KCNQ1OT1: variants seen among roughly 807,000 people sequenced by gnomAD.
The protein encoded by KCNQ1OT1 is KCNQ1 opposite strand/antisense transcript 1.
At chr11:2,631,395 A>G in exon 1 of KCNQ1OT1, 2 of 397,250 alleles carry the variant, frequency 5.0e-6, no homozygotes, top group Non-Finnish European at 8.9e-6. Context: ...TTTTCATTTC[A>G]TGCACTATAT....
exon 1 of KCNQ1OT1, chr11:2,680,677 C>A (rs1182819219): frequency 2.5e-6 from 1 of 398,450 alleles, no homozygotes; most frequent in Admixed American, 4.4e-5. Flanking sequence ...ATTTCTAACT[C>A]TTCAAGAATC....
exon 1 of KCNQ1OT1, chr11:2,643,911 C>T (rs917937974): frequency 2.3e-5 from 9 of 398,428 alleles, no homozygotes; most frequent in Non-Finnish European, 3.1e-5. Context: ...TTTCTTTCAG[C>T]ACTCTGCGTA....
chr11:2,662,454 G>A, exon 1 of KCNQ1OT1: 2 of 480,798 alleles, frequency 4.2e-6, no homozygotes, highest in Admixed American at 3.7e-5. Context: ...CCAAAGCCAT[G>A]GGGCAGATGC....
chr11:2,681,434 G>A (rs1850395230), exon 1 of KCNQ1OT1: 1 of 398,418 alleles, frequency 2.5e-6, no homozygotes, highest in African/African-American at 2.1e-5. Flanking sequence ...ACAGCTCTAG[G>A]GGATTTTGGG....
At position 2,642,634 on chromosome 11, in the gene KCNQ1OT1, CTTTATA is replaced by C. The variant is rs1331038573; in HGVS notation, n.57355_57360del. 1.8e-5 allele frequency: 7 copies of C among 397,410 alleles called. No homozygotes were observed. Among genetic ancestry groups the C allele is most frequent in the Admixed American group, 4.4e-5 (1 of 22,646 alleles). 24.6% of individuals were successfully genotyped at this position (397,410 alleles called of 1,614,324 possible). ...AAACCGATTTTGCATTTCATTGATCCTTTATATTTATTTAGTTTCTTGTTTAGTTCT... is the reference window on the plus strand; with the variant it reads ...AAACCGATTTTGCATTTCATTGATCCTTTATTTAGTTTCTTGTTTAGTTCT... On this transcript the variant is annotated non_coding_transcript_exon_variant, in exon 1 of 1. Coordinates refer to ENST00000597346, the Ensembl canonical transcript of KCNQ1OT1. The surrounding 1 kb of genome is among the most constrained non-coding windows in gnomAD (Gnocchi z 4.3).
rs1849912427 is a variant in KCNQ1OT1, at chr11:2,659,494, A to G, written n.40501T>C. 1 of 398,414 alleles carries G rather than the reference A, an allele frequency of 2.5e-6. No homozygotes were observed. Among genetic ancestry groups the G allele is most frequent in the Non-Finnish European group, 4.4e-6 (1 of 226,024 alleles). The allele number at this position is 398,414 out of a possible 1,614,324, so 24.7% of individuals were successfully genotyped here. ...TTGCATGAATATATACATTTTGTTT[A>G]TGCATTCACCTGTTGAAGGACATCT... On this transcript the variant is annotated non_coding_transcript_exon_variant, in exon 1 of 1. Coordinates refer to ENST00000597346, the Ensembl canonical transcript of KCNQ1OT1. This position sits in a 1 kb window ranked among gnomAD's most constrained non-coding sequence, Gnocchi z 4.3.
chr11:2,679,173 G>A lies in KCNQ1OT1; in HGVS notation n.20822C>T, dbSNP rs1850344457. ...TGGGCAGCAGCGACTCAGTTTCCAT[G>A]TCTGAGTTAGGCCACCTGTAACAAT... On this transcript the variant is annotated non_coding_transcript_exon_variant, in exon 1 of 1. Coordinates refer to ENST00000597346, the Ensembl canonical transcript of KCNQ1OT1. The surrounding 1 kb of genome is among the most constrained non-coding windows in gnomAD (Gnocchi z 4.8). The A allele has an allele frequency of 5.0e-6, 2 of 398,622 alleles. No homozygotes were observed. The highest frequency in any genetic ancestry group is 2.5e-4 in the South Asian group (2 of 7,850). The allele number at this position is 398,622 out of a possible 1,614,324, so 24.7% of individuals were successfully genotyped here. A position where few individuals can be genotyped will look rare whatever the true frequency, so the allele number is the denominator to read the frequency against.
chr11:2,692,969 T>C lies in KCNQ1OT1; in HGVS notation n.7026A>G, dbSNP rs551480202. 131 of 398,670 alleles carry C rather than the reference T, an allele frequency of 3.3e-4. 2 individuals are homozygous for C. The South Asian group carries it at 0.014, about 43-fold the overall frequency. 24.7% of individuals were successfully genotyped at this position (398,670 alleles called of 1,614,324 possible). A position where few individuals can be genotyped will look rare whatever the true frequency, so the allele number is the denominator to read the frequency against. ...CCATACGCTCAATAATGAGGCCCACTGAACTCTCCTGGTTTCCAGAAGCCT... is the reference window on the plus strand; with the variant it reads ...CCATACGCTCAATAATGAGGCCCACCGAACTCTCCTGGTTTCCAGAAGCCT... On this transcript the variant is annotated non_coding_transcript_exon_variant, in exon 1 of 1. Transcript: ENST00000597346.
chr11:2,698,100 T>C lies in KCNQ1OT1; in HGVS notation n.1895A>G. On this transcript the variant is annotated non_coding_transcript_exon_variant, in exon 1 of 1. Coordinates refer to ENST00000597346, the Ensembl canonical transcript of KCNQ1OT1. The surrounding 1 kb of genome is among the most constrained non-coding windows in gnomAD (Gnocchi z 5.1). ...TTCAAGTACTGACTGAGTAAGGCTG[T>C]GTATCAGGCTCTTGGCTGGGTACAG... 1 of 398,658 alleles carries C rather than the reference T, an allele frequency of 2.5e-6. No homozygotes were observed. The highest frequency in any genetic ancestry group is 4.4e-6 in the Non-Finnish European group (1 of 226,070). 24.7% of individuals were successfully genotyped at this position (398,658 alleles called of 1,614,324 possible). A position where few individuals can be genotyped will look rare whatever the true frequency, so the allele number is the denominator to read the frequency against.
chr11:2,673,896 G>T lies in KCNQ1OT1; in HGVS notation n.26099C>A. ...TGAAAGCAGGCACAGGAAGGGATGG[G>T]AGCTCAGCTCACCGGGTGCTAGACA... On this transcript the variant is annotated non_coding_transcript_exon_variant, in exon 1 of 1. Coordinates refer to ENST00000597346, the Ensembl canonical transcript of KCNQ1OT1. The surrounding 1 kb of genome is among the most constrained non-coding windows in gnomAD (Gnocchi z 4.5). 1 of 397,808 alleles carries T rather than the reference G, an allele frequency of 2.5e-6. No individual in the cohort carries two copies. The highest frequency in any genetic ancestry group is 4.4e-6 in the Non-Finnish European group (1 of 225,914). The allele number at this position is 397,808 out of a possible 1,614,324, so 24.6% of individuals were successfully genotyped here.
In KCNQ1OT1 at chr11:2,670,794, A is replaced by T. The variant is rs1446502037; in HGVS notation, n.29201T>A. On this transcript the variant is annotated non_coding_transcript_exon_variant, in exon 1 of 1. Transcript: ENST00000597346. This position sits in a 1 kb window ranked among gnomAD's most constrained non-coding sequence, Gnocchi z 4.9. ...CTGCCCTCTGCAATAAGAATTCTTC[A>T]AGTTCAGCCTCTATGTGCATCATAA... 2.5e-6 allele frequency: 1 copy of T among 398,546 alleles called. No individual in the cohort carries two copies. The highest frequency in any genetic ancestry group is 4.4e-5 in the Admixed American group (1 of 22,728). 24.7% of individuals were successfully genotyped at this position (398,546 alleles called of 1,614,324 possible). A position where few individuals can be genotyped will look rare whatever the true frequency, so the allele number is the denominator to read the frequency against.
exon 1 of KCNQ1OT1, chr11:2,681,908 G>T: frequency 2.5e-6 from 1 of 398,562 alleles, no homozygotes; most frequent in South Asian, 1.3e-4. Flanking sequence ...CGGCCATAAT[G>T]AACACACGTT....
At position 2,624,285 on chromosome 11, in the gene KCNQ1OT1, T is replaced by C. The variant is rs112738445; in HGVS notation, n.75710A>G. On this transcript the variant is annotated non_coding_transcript_exon_variant, in exon 1 of 1. Transcript: ENST00000597346. The surrounding 1 kb of genome is among the most constrained non-coding windows in gnomAD (Gnocchi z 4.9). ...CAGATTGTTTGTTTTCTAATTGTTA[T>C]GTTTTTAAGGTTCTTTATATATTTT... The C allele has an allele frequency of 4.6e-4, 182 of 398,612 alleles. No homozygotes were observed. In the Middle Eastern group the frequency reaches 5.0e-3, roughly 11 times the overall value. The allele number at this position is 398,612 out of a possible 1,614,324, so 24.7% of individuals were successfully genotyped here.
chr11:2,660,242 G>A (rs1160225874), exon 1 of KCNQ1OT1: 1 of 397,694 alleles, frequency 2.5e-6, no homozygotes, highest in African/African-American at 2.1e-5. Context: ...TTTTCTAATT[G>A]TTGATCATCT....
exon 1 of KCNQ1OT1, chr11:2,680,106 G>T (rs1187914350): frequency 1.0e-5 from 4 of 395,446 alleles, no homozygotes; most frequent in African/African-American, 8.3e-5. Flanking sequence ...TGGCCAGGCT[G>T]GTCTCAAACT....
At chr11:2,694,047 G>A in exon 1 of KCNQ1OT1, 1 of 398,716 alleles carries the variant, frequency 2.5e-6, no homozygotes, top group East Asian at 3.6e-5. Context: ...GCCATAGATG[G>A]CTGAGGGACG....
At chr11:2,675,295 TG>T in exon 1 of KCNQ1OT1, 1 of 398,532 alleles carries the variant, frequency 2.5e-6, no homozygotes, top group Non-Finnish European at 4.4e-6. Flanking sequence ...AGCAGAGTTT[TG>T]GCAATATAAA....
chr11:2,613,083 G>C lies in KCNQ1OT1; in HGVS notation n.86912C>G. On this transcript the variant is annotated non_coding_transcript_exon_variant, in exon 1 of 1. Coordinates refer to ENST00000597346, the Ensembl canonical transcript of KCNQ1OT1. The surrounding 1 kb of genome is among the most constrained non-coding windows in gnomAD (Gnocchi z 4.8). ...CAGCATAACCTAGTGGTCAAGCCAT[G>C]ATTAGTCAGACATTTGTTTAAACAT... 1.0e-5 allele frequency: 4 copies of C among 398,608 alleles called. No individual in the cohort carries two copies. The highest frequency in any genetic ancestry group is 1.8e-5 in the Non-Finnish European group (4 of 226,082). 24.7% of individuals were successfully genotyped at this position (398,608 alleles called of 1,614,324 possible). A position where few individuals can be genotyped will look rare whatever the true frequency, so the allele number is the denominator to read the frequency against.
In KCNQ1OT1 at chr11:2,654,872, A is replaced by G. The variant is rs1236704149; in HGVS notation, n.45123T>C. 1 of 398,518 alleles carries G rather than the reference A, an allele frequency of 2.5e-6. No homozygotes were observed. Among genetic ancestry groups the G allele is most frequent in the Non-Finnish European group, 4.4e-6 (1 of 226,094 alleles). 24.7% of individuals were successfully genotyped at this position (398,518 alleles called of 1,614,324 possible). On this transcript the variant is annotated non_coding_transcript_exon_variant, in exon 1 of 1. Coordinates refer to ENST00000597346, the Ensembl canonical transcript of KCNQ1OT1. The surrounding 1 kb of genome is among the most constrained non-coding windows in gnomAD (Gnocchi z 6.4). Reference sequence around the variant, plus strand: ...AGCTCCAGGCCAGGTGGAGGGACATATTCTGGCAACTCTAGGATAAGATGT... The same window carrying G: ...AGCTCCAGGCCAGGTGGAGGGACATGTTCTGGCAACTCTAGGATAAGATGT...
Sources: allele counts gnomAD v4.1 joint callset, GRCh38; gene constraint gnomAD v4.1.1; non-coding constraint Gnocchi (gnomAD v3.1); transcripts MANE v1.5; gene names NCBI Gene and HGNC (gene_info 2026-07-23, HGNC 2026-07-21).